The following SLC12A7 variants were observed in gnomAD, a reference collection of about 807,000 sequenced individuals.
SLC12A7 encodes the protein K-Cl cotransporter 4.
Under a neutral mutation model 120.6 loss-of-function variants are expected in SLC12A7, and 100 were observed. The ratio of observed to expected loss-of-function variants is 0.83; its 90% CI spans 0.71 to 0.98. The LOEUF is 0.98. SLC12A7 is among the 50% of genes least tolerant of loss of function. The pLI is 0.00. For missense variants in SLC12A7, 1,373 were observed against 1,548.1 expected, an observed-to-expected ratio of 0.89 and a Z score of 1.90; for synonymous variants, 760 against 678.0, an observed-to-expected ratio of 1.12 and a Z score of -1.88.
the SLC12A7 span, among the ~76,000 whole-genome samples, chr5:1,137,355 T>C: frequency 1.3e-5 from 2 of 151,834 alleles, no homozygotes; most frequent in South Asian, 2.1e-4. Context: ...ACAAAGAACC[T>C]TGGCCCAGAG....
In SLC12A7 at chr5:1,088,369, A is replaced by G. The variant is rs1445991164; in HGVS notation, c.490-9T>C. Reference sequence around the variant, plus strand: ...ATGGCGGTCAGCATTGTCTGCAAAAAGACAGGCAGCCATCTGAGGAGAGTT... The same window carrying G: ...ATGGCGGTCAGCATTGTCTGCAAAAGGACAGGCAGCCATCTGAGGAGAGTT... On this transcript the variant is annotated splice_polypyrimidine_tract_variant and intron_variant, in intron 4 of 23. Transcript: ENST00000264930. The G allele has an allele frequency of 5.1e-6, 8 of 1,572,470 alleles. No homozygotes were observed. The East Asian group carries it at 1.8e-4, about 36-fold the overall frequency.
chr5:1,077,027 G>A (rs1411291431), intron 12 of SLC12A7, among the ~76,000 whole-genome samples: 16 of 151,696 alleles, frequency 1.1e-4, no homozygotes, highest in Admixed American at 4.6e-4. Flanking sequence ...GCCTACGCCC[G>A]GCTTGCCTGC....
the SLC12A7 span, among the ~76,000 whole-genome samples, chr5:1,143,325 C>T: frequency 6.6e-6 from 1 of 152,238 alleles, no homozygotes; most frequent in East Asian, 1.9e-4. Flanking sequence ...GAAATTGTTC[C>T]CTCGCAGCCT....
chr5:1,088,192 C>A, intron 5 of SLC12A7, 114 bp downstream of exon 5: 1 of 1,031,584 alleles, frequency 9.7e-7, no homozygotes, highest in East Asian at 2.6e-5. Context: ...CCGGCTGAGA[C>A]CCCCAGGCAG....
At chr5:1,137,343 T>C in the SLC12A7 span, among the ~76,000 whole-genome samples, 6 of 151,852 alleles carry the variant, frequency 4.0e-5, no homozygotes, top group African/African-American at 1.2e-4. Context: ...AGACCACGAA[T>C]GACAAAGAAC....
the SLC12A7 span, among the ~76,000 whole-genome samples, chr5:1,139,709 G>A: frequency 5.9e-5 from 9 of 152,334 alleles, no homozygotes; most frequent in South Asian, 1.0e-3. Flanking sequence ...GGGTGGCCAC[G>A]GCCCACTTTT....
chr5:1,131,349 C>T, the SLC12A7 span, among the ~76,000 whole-genome samples: 4 of 152,200 alleles, frequency 2.6e-5, no homozygotes, highest in Non-Finnish European at 5.9e-5. Flanking sequence ...CCTTTTGGCA[C>T]CTCAGCCTCA....
At chr5:1,056,333 A>AC (rs1036054041) in intron 22 of SLC12A7, among the ~76,000 whole-genome samples, 2 of 152,112 alleles carry the variant, frequency 1.3e-5, no homozygotes, top group African/African-American at 4.8e-5. Context: ...CCTGGGCCTC[A>AC]CTTAGGAAGA....
At chr5:1,155,561 C>T in the SLC12A7 span, among the ~76,000 whole-genome samples, 1 of 151,126 alleles carries the variant, frequency 6.6e-6, no homozygotes, top group Non-Finnish European at 1.5e-5. Context: ...GCTGGGGGGA[C>T]CCCAGGCAGG....
rs752286318 is a variant in SLC12A7 at position 1,094,205 on chromosome 5, G to A, written c.168C>T (p.Val56=). ...CAAAGAAGCTCTCTTGTTCCACCTC[G>A]ACATTGTTGAGGAATGGGCTGTTTT... ...PRENSPFLNN[V]EVEQESFFEG... Residue 56 remains valine (V), a synonymous_variant, in exon 2 of 24, where the codon GTC becomes GTT. Transcript: ENST00000264930. 2.2e-5 allele frequency: 35 copies of A among 1,613,324 alleles called. No individual in the cohort carries two copies. The highest frequency in any genetic ancestry group is 4.5e-5 in the East Asian group (2 of 44,886).
rs1561098552 is a variant in SLC12A7 at position 1,096,859 on chromosome 5, AGGGATG to A, written c.125-2617_125-2612del. Among the ~76,000 whole-genome samples, 54 of 65,306 alleles carry A rather than the reference AGGGATG, an allele frequency of 8.3e-4. 2 individuals are homozygous for A. Among genetic ancestry groups the A allele is most frequent in the South Asian group, 1.5e-3 (2 of 1,310 alleles). The allele number at this position is 65,306 out of a possible 152,430, so 42.8% of individuals were successfully genotyped here. A position where few individuals can be genotyped will look rare whatever the true frequency, so the allele number is the denominator to read the frequency against. The stretch of plus-strand genomic sequence containing the variant: ...GAGGGAGGGAGGGAAGGAGGGAGGG[AGGGATG>A]AAGGGAGGGAGGGAGGGAAGGAAGA... On this transcript the variant is annotated intron_variant, in intron 1 of 23. Transcript: ENST00000264930.
intron 15 of SLC12A7, 84 bp downstream of exon 15, chr5:1,075,287 C>A: frequency 6.5e-7 from 1 of 1,533,190 alleles, no homozygotes; most frequent in South Asian, 1.2e-5. Context: ...AGGGAGGCCC[C>A]TCCAGGGAGC....
chr5:1,060,026 T>C (rs1736019049), intron 21 of SLC12A7, among the ~76,000 whole-genome samples: 1 of 152,178 alleles, frequency 6.6e-6, no homozygotes, highest in East Asian at 1.9e-4. Context: ...TGCACGCTGC[T>C]CGGTTAGAAA....
intron 11 of SLC12A7, chr5:1,078,448 C>T (rs1738613664): frequency 3.4e-6 from 2 of 589,696 alleles, no homozygotes; most frequent in South Asian, 4.1e-5. Context: ...ACCCCTGTGG[C>T]CTCCCCAGGA....
upstream of SLC12A7, among the ~76,000 whole-genome samples, chr5:1,116,382 C>T (rs1343641303): frequency 6.6e-6 from 1 of 152,214 alleles, no homozygotes; most frequent in Admixed American, 6.5e-5. Flanking sequence ...ACGTGGGGTT[C>T]TGAGCCTCCC....
intron 22 of SLC12A7, among the ~76,000 whole-genome samples, chr5:1,056,323 C>A (rs1403443377): frequency 2.0e-5 from 3 of 152,198 alleles, no homozygotes; most frequent in African/African-American, 7.2e-5. Context: ...GGTCTCAGTT[C>A]CTGGGCCTCA....
intron 1 of SLC12A7, among the ~76,000 whole-genome samples, chr5:1,110,933 C>A (rs1189293533): frequency 2.0e-5 from 3 of 152,238 alleles, no homozygotes; most frequent in Non-Finnish European, 4.4e-5. Flanking sequence ...CCTTTCCTGC[C>A]CGGGATGGTG....
intron 14 of SLC12A7, 130 bp downstream of exon 14, chr5:1,076,008 G>A (rs2150832583): frequency 2.8e-6 from 2 of 707,616 alleles, no homozygotes; most frequent in Non-Finnish European, 4.7e-6. Context: ...AGAGCAGCTG[G>A]CCTTGTAGAG....
the SLC12A7 span, among the ~76,000 whole-genome samples, chr5:1,138,369 G>A: frequency 6.6e-6 from 1 of 152,140 alleles, no homozygotes; most frequent in South Asian, 2.1e-4. Context: ...AGTGCTGATT[G>A]CTCCATTTTT....
Sources: allele counts gnomAD v4.1 joint callset (sites outside exome capture counted in the v4.1 genomes callset), GRCh38; gene constraint gnomAD v4.1.1; transcripts MANE v1.5; gene names NCBI Gene and HGNC (gene_info 2026-07-23, HGNC 2026-07-21).